NAALADL2: variants seen among roughly 807,000 people sequenced by gnomAD.
The protein encoded by NAALADL2 is N-acetylated alpha-linked acidic dipeptidase like 2, also known as inactive N-acetylated-alpha-linked acidic dipeptidase-like protein 2.
NAALADL2 carries 76 observed loss-of-function variants against 87.2 expected under a neutral mutation model. The observed-to-expected ratio is 0.87, with a 90% CI of 0.72 to 1.05. NAALADL2 has a LOEUF of 1.05. Ranked by LOEUF, NAALADL2 falls within the 50% of genes least tolerant of loss-of-function variation. The pLI is 0.00. For missense variants in NAALADL2, 1,089 were observed against 945.8 expected (o/e 1.15, Z -1.99); for synonymous variants, 354 against 331.0 (o/e 1.07, Z -0.75).
intron 2 of NAALADL2, among the ~76,000 whole-genome samples, chr3:174,643,616 T>G (rs1355803245): frequency 6.6e-6 from 1 of 152,168 alleles, no homozygotes; most frequent in Non-Finnish European, 1.5e-5. Context: ...ATTATGCCAC[T>G]GCACTCCAGC....
chr3:174,687,140 A>G (rs111900733), intron 2 of NAALADL2, among the ~76,000 whole-genome samples: 200 of 151,996 alleles, frequency 1.3e-3, no homozygotes, highest in African/African-American at 4.6e-3. Context: ...CTCTCCACCA[A>G]CTTTTCTCAT....
chr3:174,690,271 TA>T (rs1728456144), intron 2 of NAALADL2, among the ~76,000 whole-genome samples: 1 of 152,208 alleles, frequency 6.6e-6, no homozygotes, highest in East Asian at 1.9e-4. Context: ...TAAAGAATTT[TA>T]TTTTCCAATG....
chr3:175,657,437 A>AT (rs1220166130), intron 11 of NAALADL2, among the ~76,000 whole-genome samples: 5 of 152,084 alleles, frequency 3.3e-5, no homozygotes, highest in African/African-American at 1.2e-4. Context: ...ATATTTACGT[A>AT]TTTTTTAGAA....
intron 1 of NAALADL2, among the ~76,000 whole-genome samples, chr3:174,441,271 G>A (rs1162023999): frequency 1.3e-5 from 2 of 152,082 alleles, no homozygotes. Context: ...GGTGGCGCGC[G>A]GGGCACCTGG....
At chr3:175,182,837 C>T (rs1736794373) in intron 2 of NAALADL2, among the ~76,000 whole-genome samples, 1 of 151,796 alleles carries the variant, frequency 6.6e-6, no homozygotes, top group Admixed American at 6.6e-5. Flanking sequence ...AGCTTTTCCT[C>T]TCTGTTTTCT....
chr3:175,653,934 A>G (rs113288270), intron 11 of NAALADL2, among the ~76,000 whole-genome samples: 2,145 of 152,308 alleles, frequency 0.014, 55 homozygotes, highest in African/African-American at 0.049. Flanking sequence ...GTACAATATC[A>G]AAAGAACTTT....
chr3:175,003,539 C>A (rs1748536467), intron 1 of NAALADL2, among the ~76,000 whole-genome samples: 1 of 152,120 alleles, frequency 6.6e-6, no homozygotes, highest in Admixed American at 6.5e-5. Flanking sequence ...ATGCCACGTA[C>A]AACCTCTGGC....
At chr3:174,870,664 T>A (rs1012313256) in intron 1 of NAALADL2, among the ~76,000 whole-genome samples, 2 of 151,976 alleles carry the variant, frequency 1.3e-5, no homozygotes, top group Non-Finnish European at 2.9e-5. Context: ...TCAAGGAAAA[T>A]CTGAATCAAT....
rs751705868 is a variant in NAALADL2 at position 175,324,362 on chromosome 3, A to T, written c.1090+37A>T. The stretch of plus-strand genomic sequence containing the variant: ...GGTCATCATTATTATACTTGTAAGT[A>T]AGCATTACAAGGTTGCAATTTATAA... On this transcript the variant is annotated intron_variant, in intron 5 of 13. Coordinates refer to ENST00000454872, the MANE Select transcript of NAALADL2 (RefSeq NM_207015.3). The T allele has an allele frequency of 9.8e-6, 15 of 1,529,202 alleles. 1 individual carries two copies. Among genetic ancestry groups the T allele is most frequent in the Non-Finnish European group, 1.3e-5 (15 of 1,130,390 alleles). The allele number at this position is 1,529,202 out of a possible 1,614,324, so 94.7% of individuals were successfully genotyped here. A position where few individuals can be genotyped will look rare whatever the true frequency, so the allele number is the denominator to read the frequency against.
intron 11 of NAALADL2, among the ~76,000 whole-genome samples, chr3:175,657,162 C>T (rs766614074): frequency 6.6e-6 from 1 of 152,164 alleles, no homozygotes; most frequent in Non-Finnish European, 1.5e-5. Context: ...GTCAGGCTGT[C>T]TCTGATTTCA....
intron 5 of NAALADL2, among the ~76,000 whole-genome samples, chr3:175,372,299 A>G (rs1766606535): frequency 1.3e-5 from 2 of 152,206 alleles, no homozygotes; most frequent in African/African-American, 4.8e-5. Context: ...TGCCTTCTGG[A>G]GCGAAAACAT....
intron 11 of NAALADL2, among the ~76,000 whole-genome samples, chr3:175,647,516 G>A (rs569625909): frequency 6.6e-6 from 1 of 152,164 alleles, no homozygotes; most frequent in South Asian, 2.1e-4. Flanking sequence ...AGTCCAATTA[G>A]AATATCTGAT....
chr3:174,569,993 A>G (rs551703803), intron 2 of NAALADL2, among the ~76,000 whole-genome samples: 30 of 152,174 alleles, frequency 2.0e-4, no homozygotes, highest in East Asian at 7.7e-4. Flanking sequence ...TAGCTTCCCA[A>G]ACTTCCCCTA....
intron 10 of NAALADL2, among the ~76,000 whole-genome samples, chr3:175,586,567 A>T (rs544064038): frequency 3.3e-5 from 5 of 152,344 alleles, no homozygotes; most frequent in African/African-American, 9.6e-5. Context: ...ATTCTGTTAC[A>T]AGTGAAGAAC....
chr3:175,218,561 C>T (rs929779597), intron 2 of NAALADL2, among the ~76,000 whole-genome samples: 5 of 152,026 alleles, frequency 3.3e-5, no homozygotes, highest in Admixed American at 6.6e-5. Flanking sequence ...AGAGGTCTCC[C>T]ACTTGTGCAC....
At chr3:174,958,325 T>C (rs971002337) in intron 1 of NAALADL2, among the ~76,000 whole-genome samples, 2 of 152,000 alleles carry the variant, frequency 1.3e-5, no homozygotes, top group South Asian at 2.1e-4. Flanking sequence ...TAGCTATTTA[T>C]TGAATAAGTA....
At chr3:174,804,421 A>G (rs911796044) in intron 3 of NAALADL2, among the ~76,000 whole-genome samples, 3 of 152,174 alleles carry the variant, frequency 2.0e-5, no homozygotes, top group African/African-American at 7.2e-5. Flanking sequence ...AACAGAGACA[A>G]TTTGACTTCC....
intron 2 of NAALADL2, among the ~76,000 whole-genome samples, chr3:174,686,420 T>G (rs559715707): frequency 6.6e-6 from 1 of 152,280 alleles, no homozygotes; most frequent in South Asian, 2.1e-4. Flanking sequence ...TGAGATGGGA[T>G]CTCATTGTGG....
At chr3:175,287,880 G>T (rs1187895927) in intron 4 of NAALADL2, among the ~76,000 whole-genome samples, 1 of 152,068 alleles carries the variant, frequency 6.6e-6, no homozygotes, top group African/African-American at 2.4e-5. Flanking sequence ...TCAAAAAGGA[G>T]TAACTTGCTC....
Sources: allele counts gnomAD v4.1 joint callset (sites outside exome capture counted in the v4.1 genomes callset), GRCh38; gene constraint gnomAD v4.1.1; transcripts MANE v1.5; gene names NCBI Gene and HGNC (gene_info 2026-07-23, HGNC 2026-07-21).